The following METTL15 variants were observed in gnomAD, a reference collection of about 807,000 sequenced individuals.
The protein encoded by METTL15 is 12S rRNA N(4)-cytidine methyltransferase METTL15.
A neutral mutation model predicts 38.3 loss-of-function variants in METTL15; 34 were observed. The observed-to-expected ratio is 0.89, with a 90% CI of 0.68 to 1.18. The LOEUF is 1.18. Ranked by LOEUF, METTL15 falls within the 50% of genes most tolerant of loss-of-function variation. The pLI is 0.00. For missense variants in METTL15, 438 were observed against 498.4 expected (o/e 0.88, Z 1.15); for synonymous variants, 162 against 170.9 (o/e 0.95, Z 0.41).
chr11:28,147,825 T>G (rs1353920370), intron 3 of METTL15, among the ~76,000 whole-genome samples: 1 of 151,920 alleles, frequency 6.6e-6, no homozygotes, highest in African/African-American at 2.4e-5. Flanking sequence ...ACAAACTTAT[T>G]TGATCATATA....
At chr11:28,380,425 C>A (rs1267593476) in intron 5 of METTL15, among the ~76,000 whole-genome samples, 3 of 152,156 alleles carry the variant, frequency 2.0e-5, no homozygotes, top group Non-Finnish European at 2.9e-5. Flanking sequence ...GACTCACCCT[C>A]CCAACACTTT....
At chr11:28,134,356 A>T (rs1849442426) in intron 3 of METTL15, among the ~76,000 whole-genome samples, 1 of 152,218 alleles carries the variant, frequency 6.6e-6, no homozygotes, top group Admixed American at 6.5e-5. Context: ...TATAAAGCGC[A>T]AATTCCTGGT....
At chr11:28,296,322 A>G (rs1165728237) in intron 5 of METTL15, among the ~76,000 whole-genome samples, 1 of 152,140 alleles carries the variant, frequency 6.6e-6, no homozygotes, top group Admixed American at 6.6e-5. Context: ...CCTCAGATTT[A>G]GTCAAGTTCT....
chr11:28,485,912 G>A (rs1479985061), intron 6 of METTL15, among the ~76,000 whole-genome samples: 1 of 152,110 alleles, frequency 6.6e-6, no homozygotes, highest in East Asian at 1.9e-4. Context: ...GCGTGTGCAT[G>A]TAGAGAGAAA....
chr11:28,418,161 A>G (rs1850789253), intron 5 of METTL15, among the ~76,000 whole-genome samples: 1 of 152,070 alleles, frequency 6.6e-6, no homozygotes, highest in African/African-American at 2.4e-5. Context: ...TGATACTGCC[A>G]GTGTATGTCT....
intron 6 of METTL15, among the ~76,000 whole-genome samples, chr11:28,465,269 C>G (rs890961395): frequency 1.3e-5 from 2 of 152,046 alleles, no homozygotes; most frequent in African/African-American, 4.8e-5. Context: ...TTCTTTCATT[C>G]AGTCTTTCTC....
At chr11:28,170,584 A>T (rs193271542) in intron 3 of METTL15, among the ~76,000 whole-genome samples, 104 of 152,272 alleles carry the variant, frequency 6.8e-4, no homozygotes, top group African/African-American at 2.3e-3. Flanking sequence ...TGTATTATGC[A>T]TGAGTTTTCT....
intron 6 of METTL15, among the ~76,000 whole-genome samples, chr11:28,426,584 G>GTTTTTTTTTTTTT (rs66959082): frequency 6.1e-5 from 5 of 82,334 alleles, no homozygotes; most frequent in African/African-American, 1.6e-4. Context: ...GCCAGCATCT[G>GTTTTTTTTTTTTT]TTTTTTTTTT....
intron 5 of METTL15, among the ~76,000 whole-genome samples, chr11:28,404,279 A>G (rs910850062): frequency 5.3e-5 from 8 of 152,108 alleles, no homozygotes; most frequent in African/African-American, 1.9e-4. Context: ...TCTGTCTACC[A>G]TAACAAAACA....
intron 3 of METTL15, among the ~76,000 whole-genome samples, chr11:28,174,878 T>C (rs936614193): frequency 1.3e-5 from 2 of 151,166 alleles, no homozygotes; most frequent in Admixed American, 6.6e-5. Flanking sequence ...TGTAAAACCA[T>C]ACATCTTTCT....
intron 6 of METTL15, among the ~76,000 whole-genome samples, chr11:28,425,543 TC>T (rs1270280942): frequency 1.2e-4 from 18 of 152,294 alleles, no homozygotes; most frequent in Admixed American, 3.9e-4. Context: ...TCTTTCCCCT[TC>T]CTCTCCATCC....
intron 6 of METTL15, among the ~76,000 whole-genome samples, chr11:28,513,435 G>A (rs1203831423): frequency 6.6e-6 from 1 of 152,224 alleles, no homozygotes; most frequent in Admixed American, 6.5e-5. Context: ...TTACAAAGCA[G>A]CAAAGCCAGG....
downstream of METTL15, among the ~76,000 whole-genome samples, chr11:28,335,190 C>T (rs1849889917): frequency 6.6e-6 from 1 of 152,104 alleles, no homozygotes; most frequent in Non-Finnish European, 1.5e-5. Context: ...TATTATTAAG[C>T]CATCAAATGA....
Position 28,187,777 on chromosome 11 carries a change from A to G in METTL15, c.271-23285A>G, listed in dbSNP as rs527332968. 2.1e-4 allele frequency among the ~76,000 whole-genome samples: 32 copies of G among 151,242 alleles called. No individual in the cohort carries two copies. In the South Asian group the frequency reaches 4.4e-3, roughly 21 times the overall value. ...AGATGAAAATTACAATGAACTTTTC[A>G]TTGTTATTTATTATTTGAAATGTTG... On this transcript the variant is annotated intron_variant, in intron 3 of 6. Transcript: ENST00000407364.
chr11:28,517,829 C>G (rs950419134), intron 6 of METTL15, among the ~76,000 whole-genome samples: 1 of 152,182 alleles, frequency 6.6e-6, no homozygotes, highest in Admixed American at 6.5e-5. Context: ...TTTCTCAGCC[C>G]ACAAGTTTCA....
intron 3 of METTL15, among the ~76,000 whole-genome samples, chr11:28,140,874 G>C (rs1849675665): frequency 6.6e-6 from 1 of 152,192 alleles, no homozygotes; most frequent in Admixed American, 6.5e-5. Context: ...CTGCGGGCAT[G>C]TTTAGGCAAA....
In METTL15 at chr11:28,117,687, T is replaced by C. The variant is rs1360809085; in HGVS notation, c.270+4083T>C. 2.0e-5 allele frequency among the ~76,000 whole-genome samples: 3 copies of C among 152,180 alleles called. No individual in the cohort carries two copies. In the East Asian group the frequency reaches 5.8e-4, roughly 29 times the overall value. ...AGAAGTTTAATGTTTCCAATGTTAC[T>C]TCTAAAAACTTTCTTGTGAGGTACA... On this transcript the variant is annotated intron_variant, in intron 3 of 6. Transcript: ENST00000407364.
chr11:28,186,921 C>G (rs941172123), intron 3 of METTL15, among the ~76,000 whole-genome samples: 1 of 151,018 alleles, frequency 6.6e-6, no homozygotes, highest in African/African-American at 2.4e-5. Context: ...TACTAAATCA[C>G]TGTCAAACAC....
In METTL15 at chr11:28,397,838, C is replaced by A. The variant is rs142625822; in HGVS notation, c.*359-26461C>A. Among the ~76,000 whole-genome samples, 98 of 152,152 alleles carry A rather than the reference C, an allele frequency of 6.4e-4. 1 individual carries two copies. Among genetic ancestry groups the A allele is most frequent in the African/African-American group, 2.2e-3 (93 of 41,504 alleles). On this transcript the variant is annotated intron_variant and NMD_transcript_variant, in intron 5 of 7. Coordinates refer to the METTL15 transcript ENST00000532947. Reference sequence around the variant, plus strand: ...ACAATAGCAATTACTTGGAACTAACCCAGATGTCCATCAATGATAGACTGG... The same window carrying A: ...ACAATAGCAATTACTTGGAACTAACACAGATGTCCATCAATGATAGACTGG...
Sources: gnomAD v4.1 joint callset for allele counts (sites outside exome capture counted in the v4.1 genomes callset) on GRCh38, gnomAD v4.1.1 for gene constraint, MANE v1.5 for transcripts, NCBI Gene and HGNC (gene_info 2026-07-23, HGNC 2026-07-21) for gene names.